The following SYNDIG1 variants were observed in gnomAD, a reference collection of about 807,000 sequenced individuals.
SYNDIG1 encodes synapse differentiation-inducing gene protein 1.
Under a neutral mutation model 19.4 loss-of-function variants are expected in SYNDIG1, and 9 were observed. The observed-to-expected ratio is 0.46, with a 90% CI of 0.28 to 0.81. SYNDIG1 has a LOEUF of 0.81. Among genes scored for constraint, SYNDIG1 ranks in the 30% least tolerant of loss-of-function variants. The pLI, the probability that SYNDIG1 is intolerant of heterozygous loss-of-function variation, is 0.12. For missense variants in SYNDIG1, 311 were observed against 343.3 expected, an observed-to-expected ratio of 0.91 and a Z score of 0.74; for synonymous variants, 141 against 145.9, an observed-to-expected ratio of 0.97 and a Z score of 0.24.
At chr20:24,576,793 T>C (rs1432723756) in intron 2 of SYNDIG1, among the ~76,000 whole-genome samples, 1 of 151,682 alleles carries the variant, frequency 6.6e-6, no homozygotes, top group Non-Finnish European at 1.5e-5. Flanking sequence ...CCCCATCCCA[T>C]CTCTCAGCAA....
intron 1 of SYNDIG1, among the ~76,000 whole-genome samples, chr20:24,483,434 C>G (rs1425856540): frequency 6.6e-6 from 1 of 152,242 alleles, no homozygotes; most frequent in Non-Finnish European, 1.5e-5. Flanking sequence ...TGCTCTCTCT[C>G]TCATTTGACT....
intron 1 of SYNDIG1, among the ~76,000 whole-genome samples, chr20:24,509,230 C>CA (rs1033028070): frequency 4.3e-4 from 65 of 152,158 alleles, no homozygotes; most frequent in African/African-American, 1.5e-3. Flanking sequence ...GTGTGTATTT[C>CA]AATTATTTGT....
intron 2 of SYNDIG1, among the ~76,000 whole-genome samples, chr20:24,579,543 G>A (rs2146990378): frequency 6.6e-6 from 1 of 152,314 alleles, no homozygotes; most frequent in East Asian, 1.9e-4. Context: ...AGTCCAATAG[G>A]ACCTTCTGAG....
intron 1 of SYNDIG1, among the ~76,000 whole-genome samples, chr20:24,539,609 G>A (rs6114763): frequency 0.025 from 3,840 of 152,226 alleles, 172 homozygotes; most frequent in African/African-American, 0.087. Flanking sequence ...TTCTGTTTCT[G>A]CAGACAACAT....
chr20:24,592,451 A>G (rs752196651), intron 3 of SYNDIG1, among the ~76,000 whole-genome samples: 7 of 152,154 alleles, frequency 4.6e-5, no homozygotes, highest in Non-Finnish European at 8.8e-5. Flanking sequence ...CATTGCTCAG[A>G]GAGTGTGGGG....
intron 3 of SYNDIG1, among the ~76,000 whole-genome samples, chr20:24,625,501 T>C (rs1314982550): frequency 6.6e-6 from 1 of 151,176 alleles, no homozygotes; most frequent in Non-Finnish European, 1.5e-5. Flanking sequence ...AACAAAGGTC[T>C]CTGGTTTTCC....
At chr20:24,532,547 A>G (rs755467549) in intron 1 of SYNDIG1, among the ~76,000 whole-genome samples, 13 of 152,158 alleles carry the variant, frequency 8.5e-5, no homozygotes, top group Non-Finnish European at 1.8e-4. Context: ...TGGTGAATAT[A>G]CTAAATCTCA....
At chr20:24,510,913 C>A (rs2146458088) in intron 1 of SYNDIG1, among the ~76,000 whole-genome samples, 1 of 152,292 alleles carries the variant, frequency 6.6e-6, no homozygotes, top group African/African-American at 2.4e-5. Flanking sequence ...GTAGTATCAT[C>A]AGTTCCATAT....
At chr20:24,610,765 A>C (rs140956636) in intron 3 of SYNDIG1, among the ~76,000 whole-genome samples, 104 of 152,260 alleles carry the variant, frequency 6.8e-4, no homozygotes, top group African/African-American at 2.1e-3. Context: ...CCCTGCCTGG[A>C]CCAGGCACTG....
chr20:24,570,240 G>C (rs1025646371), intron 2 of SYNDIG1, among the ~76,000 whole-genome samples: 3 of 152,076 alleles, frequency 2.0e-5, no homozygotes, highest in Admixed American at 2.0e-4. Context: ...CCTAGGGTAA[G>C]GTGAAGAGTT....
chr20:24,605,152 A>G (rs1255032863), intron 3 of SYNDIG1, among the ~76,000 whole-genome samples: 2 of 152,148 alleles, frequency 1.3e-5, no homozygotes, highest in Admixed American at 6.5e-5. Flanking sequence ...TGATGGAGCC[A>G]CGCAGAAAGA....
rs142177857 is a variant in SYNDIG1, at chr20:24,665,500, T to C, written c.773T>C (p.Leu258Pro). The C allele has an allele frequency of 1.3e-5, 21 of 1,613,808 alleles. No individual in the cohort carries two copies. The African/African-American group carries it at 2.3e-4, about 17-fold the overall frequency. ...GCCTACCTCTCCAAGAACAACCACCTGTGAGCTTCCTGCGAATGGAGGGGG... is the reference window on the plus strand; with the variant it reads ...GCCTACCTCTCCAAGAACAACCACCCGTGAGCTTCCTGCGAATGGAGGGGG... Reference protein sequence around the residue: ...LIAYLSKNNHL With the variant: ...LIAYLSKNNHP Residue 258 changes from leucine to proline, a missense_variant, in exon 4 of 4, where the codon CTG becomes CCG. By Grantham distance (98) the Leu-to-Pro change is moderately conservative. Transcript: ENST00000376862.
chr20:24,504,624 C>T (rs1483133148), intron 1 of SYNDIG1, among the ~76,000 whole-genome samples: 1 of 152,146 alleles, frequency 6.6e-6, no homozygotes, highest in African/African-American at 2.4e-5. Context: ...TTTCAGTTTT[C>T]TTCAGAATGA....
At chr20:24,545,587 G>A (rs2057560478) in intron 2 of SYNDIG1, among the ~76,000 whole-genome samples, 1 of 152,130 alleles carries the variant, frequency 6.6e-6, no homozygotes, top group African/African-American at 2.4e-5. Flanking sequence ...ACAGGCAGGA[G>A]CCCTCCCCCG....
chr20:24,543,585 G>A lies in SYNDIG1; in HGVS notation c.480+8G>A, dbSNP rs2057513756. ...GAGTTCCAGGAGCTGGAGGTCACAG[G>A]ATGTGTTTGTCAGAGGCCCTCTAAG... On this transcript the variant is annotated splice_region_variant and intron_variant, in intron 2 of 3. Coordinates refer to ENST00000376862, the MANE Select transcript of SYNDIG1 (RefSeq NM_024893.3). 6.3e-7 allele frequency: 1 copy of A among 1,595,654 alleles called. No homozygotes were observed. The highest frequency in any genetic ancestry group is 8.5e-7 in the Non-Finnish European group (1 of 1,177,104).
chr20:24,530,638 GT>G (rs1320758444), intron 1 of SYNDIG1, among the ~76,000 whole-genome samples: 1 of 152,122 alleles, frequency 6.6e-6, no homozygotes, highest in East Asian at 1.9e-4. Context: ...TTCTAACAGT[GT>G]TAGGGTTTGG....
rs1158084004 is a variant in SYNDIG1, at chr20:24,665,740, T to C, written c.*236T>C. 1.9e-6 allele frequency: 1 copy of C among 530,750 alleles called. No homozygotes were observed. The highest frequency in any genetic ancestry group is 4.3e-5 in the Admixed American group (1 of 23,082). The allele number at this position is 530,750 out of a possible 1,614,324, so 32.9% of individuals were successfully genotyped here. A position where few individuals can be genotyped will look rare whatever the true frequency, so the allele number is the denominator to read the frequency against. ...TCCTTCCAAAGGAAAGCTCCAAAGA[T>C]CCCAGCCCGCAAGGCTGTCTCTGGA... On this transcript the variant is annotated 3_prime_UTR_variant, in exon 4 of 4. Coordinates refer to ENST00000376862, the MANE Select transcript of SYNDIG1 (RefSeq NM_024893.3).
intron 1 of SYNDIG1, among the ~76,000 whole-genome samples, chr20:24,526,402 G>A (rs1338706661): frequency 6.6e-6 from 1 of 151,830 alleles, no homozygotes; most frequent in Non-Finnish European, 1.5e-5. Context: ...CATTCATTTG[G>A]TAGTTATCCT....
At chr20:24,503,488 A>AC (rs2056506820) in intron 1 of SYNDIG1, among the ~76,000 whole-genome samples, 1 of 152,140 alleles carries the variant, frequency 6.6e-6, no homozygotes, top group Admixed American at 6.5e-5. Flanking sequence ...GTAAAAATAG[A>AC]CCAGGGGCTC....
Sources: gnomAD v4.1 joint callset for allele counts (sites outside exome capture counted in the v4.1 genomes callset) on GRCh38, gnomAD v4.1.1 for gene constraint, MANE v1.5 for transcripts, NCBI Gene and HGNC (gene_info 2026-07-23, HGNC 2026-07-21) for gene names.